The following ANKRD18B variants were observed in gnomAD, a reference collection of about 807,000 sequenced individuals.
ANKRD18B encodes the protein ankyrin repeat domain 18B, also known as ankyrin repeat domain-containing protein 18B.
Under a neutral mutation model 111.8 loss-of-function variants are expected in ANKRD18B, and 75 were observed. That is an observed-to-expected ratio of 0.67 (90% CI 0.56 to 0.81). ANKRD18B has a LOEUF of 0.81. ANKRD18B is among the 40% of genes least tolerant of loss of function. The probability of loss-of-function intolerance (pLI) is 0.00; values close to 1 mark genes in which losing one functional copy is unlikely to be tolerated. For synonymous variants in ANKRD18B, 356 were observed against 417.3 expected (o/e 0.85, Z 1.79); for missense variants, 1,038 against 1,225.5 (o/e 0.85, Z 2.28).
chr9:33,548,325 C>A lies in ANKRD18B; in HGVS notation c.1537C>A (p.Leu513Ile). 6.5e-7 allele frequency: 1 copy of A among 1,549,736 alleles called. No individual in the cohort carries two copies. The highest frequency in any genetic ancestry group is 8.7e-7 in the Non-Finnish European group (1 of 1,146,224). The change falls in exon 11 of 19, where the codon CTA becomes ATA. Residue 513 changes from leucine (L) to isoleucine (I), a missense_variant. This residue lies in a region of ANKRD18B where 205 missense variants were observed against 201.3 expected (regional missense o/e 1.02). Coordinates refer to ENST00000684830, the MANE Select transcript of ANKRD18B (RefSeq NM_001393611.1). ...EYNEILERKD[L>I]ELVLWRADDV... ...CAATGAAATTTTGGAAAGAAAAGAC[C>A]TAGAACTAGTTTTATGGAGAGCAGA...
intron 12 of ANKRD18B, among the ~76,000 whole-genome samples, chr9:33,554,700 C>T (rs1828496810): frequency 6.6e-6 from 1 of 152,096 alleles, no homozygotes; most frequent in Non-Finnish European, 1.5e-5. Context: ...CAGAGAGAGA[C>T]CTTGGGGTGT....
intron 3 of ANKRD18B, among the ~76,000 whole-genome samples, chr9:33,532,335 T>G (rs1219723388): frequency 1.3e-5 from 2 of 152,196 alleles, no homozygotes; most frequent in Non-Finnish European, 2.9e-5. Flanking sequence ...AGCCATTGTA[T>G]TTTTATTTCT....
chr9:33,567,414 T>G, intron 16 of ANKRD18B, 100 bp downstream of exon 16: 1 of 1,002,076 alleles, frequency 1.0e-6, no homozygotes, highest in Non-Finnish European at 1.4e-6. Context: ...CAGTAGGAAG[T>G]GAATGCTAAT....
At chr9:33,556,735 G>A (rs1335318142) in intron 13 of ANKRD18B, among the ~76,000 whole-genome samples, 1 of 151,956 alleles carries the variant, frequency 6.6e-6, no homozygotes, top group Non-Finnish European at 1.5e-5. Flanking sequence ...ACCTATTTGT[G>A]TCCTTCTTTA....
rs753349558 is a variant in ANKRD18B, at chr9:33,568,789, C to G, written c.3073C>G (p.Leu1025Val). ...CCCAGAGTTACCTTGTGTTGAAAAT[C>G]TTAATAGTATAGAACTCAACAGAAA... Reference protein sequence around the residue: ...PDPELPCVENLNSIELNRKYI... With the variant: ...PDPELPCVENVNSIELNRKYI... Residue 1025 changes from leucine (L) to valine (V), a missense_variant, in exon 17 of 19, where the codon CTT (leucine) becomes GTT (valine). Coordinates refer to ENST00000684830, the MANE Select transcript of ANKRD18B (RefSeq NM_001393611.1). 3 of 1,551,292 alleles carry G rather than the reference C, an allele frequency of 1.9e-6. No individual in the cohort carries two copies. In the African/African-American group the frequency reaches 4.1e-5, roughly 21 times the overall value.
chr9:33,568,063 C>T (rs2118138066), intron 16 of ANKRD18B, among the ~76,000 whole-genome samples: 1 of 152,264 alleles, frequency 6.6e-6, no homozygotes, highest in Non-Finnish European at 1.5e-5. Flanking sequence ...TCTAGTTCTC[C>T]CCCAGGAGTT....
intron 12 of ANKRD18B, among the ~76,000 whole-genome samples, chr9:33,554,541 G>A (rs937065793): frequency 4.6e-5 from 7 of 152,170 alleles, no homozygotes; most frequent in African/African-American, 1.2e-4. Flanking sequence ...GGTGGCTCAC[G>A]CCTGTAATTT....
At chr9:33,526,870 C>T (rs1446681744) in intron 1 of ANKRD18B, among the ~76,000 whole-genome samples, 1 of 152,042 alleles carries the variant, frequency 6.6e-6, no homozygotes, top group Non-Finnish European at 1.5e-5. Context: ...ATTACTATCA[C>T]AAAAATATTG....
chr9:33,566,615 C>T lies in ANKRD18B; in HGVS notation c.2742+115C>T, dbSNP rs1828689334. 7 of 1,276,512 alleles carry T rather than the reference C, an allele frequency of 5.5e-6. No homozygotes were observed. In the South Asian group the frequency reaches 9.1e-5, roughly 17 times the overall value. The allele number at this position is 1,276,512 out of a possible 1,614,324, so 79.1% of individuals were successfully genotyped here. On this transcript the variant is annotated intron_variant, in intron 15 of 18. Coordinates refer to ENST00000684830, the MANE Select transcript of ANKRD18B (RefSeq NM_001393611.1). ...TCCTCTGCCTCTCTTACGGCAATTT[C>T]CTTTGTAGAGCTCTAGAAAAAAGTG...
chr9:33,567,669 G>A (rs190223490), intron 16 of ANKRD18B, among the ~76,000 whole-genome samples: 1 of 152,274 alleles, frequency 6.6e-6, no homozygotes, highest in East Asian at 1.9e-4. Context: ...ATATTAATGA[G>A]TTTAATTTAT....
At chr9:33,562,743 A>G (rs2118116163) in intron 14 of ANKRD18B, among the ~76,000 whole-genome samples, 1 of 152,342 alleles carries the variant, frequency 6.6e-6, no homozygotes, top group Middle Eastern at 3.4e-3. Flanking sequence ...ATGTCTTAAC[A>G]CTCAAAGTAT....
At chr9:33,564,424 T>A (rs1456374678) in intron 14 of ANKRD18B, among the ~76,000 whole-genome samples, 2 of 152,212 alleles carry the variant, frequency 1.3e-5, no homozygotes, top group Non-Finnish European at 2.9e-5. Context: ...TGTACCACAA[T>A]TTTTTTGTCC....
chr9:33,524,252 C>G lies in ANKRD18B; in HGVS notation c.-238C>G. On this transcript the variant is annotated 5_prime_UTR_variant, in exon 1 of 19. Coordinates refer to ENST00000684830, the MANE Select transcript of ANKRD18B (RefSeq NM_001393611.1). ...TGTAGGCGCGCGCCTAACCGCTTTA[C>G]TGGGCTCACTCTATCGAGAGGTCGG... 1 of 1,047,376 alleles carries G rather than the reference C, an allele frequency of 9.5e-7. No individual in the cohort carries two copies. Among genetic ancestry groups the G allele is most frequent in the Non-Finnish European group, 1.2e-6 (1 of 821,240 alleles). 64.9% of individuals were successfully genotyped at this position (1,047,376 alleles called of 1,614,324 possible).
chr9:33,567,338 G>T (rs1194224854), intron 16 of ANKRD18B, 24 bp downstream of exon 16: 24 of 1,519,506 alleles, frequency 1.6e-5, no homozygotes, highest in Admixed American at 4.7e-5. Flanking sequence ...TATACTCATA[G>T]AAAATGAATT....
At chr9:33,542,193 T>TGCTACAGTCTAGCAACAAAGGG (rs1439484500) in intron 9 of ANKRD18B, among the ~76,000 whole-genome samples, 1 of 150,034 alleles carries the variant, frequency 6.7e-6, no homozygotes, top group Non-Finnish European at 1.5e-5. Flanking sequence ...CAGAGATGAT[T>TGCTACAGTCTAGCAACAAAGGG]GCTACAGTCT....
chr9:33,536,984 G>A (rs1335191649), intron 6 of ANKRD18B, 39 bp downstream of exon 6: 1 of 1,413,310 alleles, frequency 7.1e-7, no homozygotes, highest in South Asian at 1.4e-5. Context: ...TTCCCTTGGT[G>A]ATCTTACTGA....
intron 11 of ANKRD18B, among the ~76,000 whole-genome samples, chr9:33,549,151 A>G (rs1333169222): frequency 6.6e-6 from 1 of 152,224 alleles, no homozygotes; most frequent in Non-Finnish European, 1.5e-5. Context: ...ACGACACAGT[A>G]AATTTACTAA....
At chr9:33,533,574 T>G (rs983292626) in intron 4 of ANKRD18B, 29 bp downstream of exon 4, 1 of 1,525,684 alleles carries the variant, frequency 6.6e-7, no homozygotes, top group Non-Finnish European at 8.8e-7. Context: ...TCTGTTTTCT[T>G]TTTTCCTAAA....
intron 3 of ANKRD18B, among the ~76,000 whole-genome samples, chr9:33,529,970 T>G (rs1033309195): frequency 5.9e-5 from 9 of 152,178 alleles, no homozygotes; most frequent in African/African-American, 2.2e-4. Context: ...CTAGAATATC[T>G]TGATGGGAAT....
Sources: allele counts gnomAD v4.1 joint callset (sites outside exome capture counted in the v4.1 genomes callset), GRCh38; gene constraint gnomAD v4.1.1; regional missense constraint gnomAD v4.1.1; transcripts MANE v1.5; gene names NCBI Gene and HGNC (gene_info 2026-07-23, HGNC 2026-07-21).